COMP: variants seen among roughly 807,000 people sequenced by gnomAD.
The protein encoded by COMP is cartilage oligomeric matrix protein.
In COMP, 79 loss-of-function variants were observed where a neutral mutation model predicts 95.8. That is an observed-to-expected ratio of 0.82 (90% CI 0.69 to 0.99). COMP has a LOEUF of 0.99. Ranked by LOEUF, COMP falls within the 50% of genes least tolerant of loss-of-function variation. The pLI, the probability that COMP is intolerant of heterozygous loss-of-function variation, is 0.00. For missense variants in COMP, 906 were observed against 1,076.1 expected (o/e 0.84, Z 2.21); for synonymous variants, 438 against 433.9 (o/e 1.01, Z -0.12).
Position 18,789,059 on chromosome 19 carries a change from A to G in COMP, c.528+101T>C. 1 of 1,530,884 alleles carries G rather than the reference A, an allele frequency of 6.5e-7. No homozygotes were observed. The highest frequency in any genetic ancestry group is 1.9e-5 in the Admixed American group (1 of 52,744). 94.8% of individuals were successfully genotyped at this position (1,530,884 alleles called of 1,614,324 possible). A position where few individuals can be genotyped will look rare whatever the true frequency, so the allele number is the denominator to read the frequency against. On this transcript the variant is annotated intron_variant, in intron 5 of 18. Coordinates refer to ENST00000222271, the MANE Select transcript of COMP (RefSeq NM_000095.3). This position sits in a 1 kb window ranked among gnomAD's most constrained non-coding sequence, Gnocchi z 6.1. ...GGCGCAGCGGACCCCTCCTCTCCCC[A>G]CCCCTCCCGCTGGAAGGAGGCTGGA...
In COMP at chr19:18,789,272, C is replaced by T; in HGVS notation, c.416G>A (p.Arg139Gln). The change falls in exon 5 of 19, where the codon CGA becomes CAA. Residue 139 changes from arginine (R) to glutamine (Q), a missense_variant. By Grantham distance (43) the Arg-to-Gln change is conservative. Transcript: ENST00000222271. The surrounding 1 kb of genome is among the most constrained non-coding windows in gnomAD (Gnocchi z 6.1). ...NECNAHPCFP[R>Q]VRCINTSPGF... ...CGGGCTGGTGTTGATACAGCGGACT[C>T]GGGGGAAGCAGGGGTGGGCGTTGCA... 1 of 1,501,842 alleles carries T rather than the reference C, an allele frequency of 6.7e-7. No homozygotes were observed. The highest frequency in any genetic ancestry group is 8.9e-7 in the Non-Finnish European group (1 of 1,128,974). 93.0% of individuals were successfully genotyped at this position (1,501,842 alleles called of 1,614,324 possible).
intron 1 of COMP, 112 bp from the exon 2 acceptor site, chr19:18,791,047 T>C (rs2055209866): frequency 6.6e-7 from 1 of 1,510,816 alleles, no homozygotes; most frequent in Non-Finnish European, 8.9e-7. Context: ...TCCTCTAGTC[T>C]CGGTCCCGCC....
At chr19:18,787,334 C>T (rs2055174425) in intron 10 of COMP, among the ~76,000 whole-genome samples, 157 bp downstream of exon 10, 1 of 152,256 alleles carries the variant, frequency 6.6e-6, no homozygotes, top group South Asian at 2.1e-4. Flanking sequence ...GCCCAGCTTG[C>T]ATTTTTCTGG....
chr19:18,785,851 C>G lies in COMP; in HGVS notation c.1490G>C (p.Arg497Thr). 2 of 1,611,290 alleles carry G rather than the reference C, an allele frequency of 1.2e-6. No individual in the cohort carries two copies. Among genetic ancestry groups the G allele is most frequent in the Non-Finnish European group, 1.7e-6 (2 of 1,180,014 alleles). The change falls in exon 14 of 19, where the codon AGG becomes ACG. Residue 497 changes from arginine (R) to threonine (T), a missense_variant and splice_region_variant. By Grantham distance (71) the Arg-to-Thr change is moderately conservative (BLOSUM62 -1). Coordinates refer to ENST00000222271, the MANE Select transcript of COMP (RefSeq NM_000095.3). Reference sequence around the variant, plus strand: ...CTGGCACACGTCGCCCACGCCGTCCCCTGAGAGGTGGGAGACCCCTCGGTG... The same window carrying G: ...CTGGCACACGTCGCCCACGCCGTCCGCTGAGAGGTGGGAGACCCCTCGGTG... ...VPNPGQEDAD[R>T]DGVGDVCQDD...
At chr19:18,787,853 T>C (rs1255361670) in intron 9 of COMP, among the ~76,000 whole-genome samples, 2 of 64,934 alleles carry the variant, frequency 3.1e-5, no homozygotes, top group Admixed American at 3.5e-4. Flanking sequence ...TTCTTTTTTC[T>C]TTTTCTTTTT....
intron 3 of COMP, 40 bp from the exon 4 acceptor site, chr19:18,790,154 T>C (rs1376930167): frequency 6.9e-7 from 1 of 1,456,518 alleles, no homozygotes; most frequent in African/African-American, 1.4e-5. Flanking sequence ...GGCTGATCGG[T>C]GGCTCGCCCG....
rs767476445 is a variant in COMP, at chr19:18,789,289, G to T, written c.399C>A (p.Ala133=). Residue 133 remains alanine, a synonymous_variant, in exon 5 of 19, where the codon GCC becomes GCA. Coordinates refer to ENST00000222271, the MANE Select transcript of COMP (RefSeq NM_000095.3). The surrounding 1 kb of genome is among the most constrained non-coding windows in gnomAD (Gnocchi z 6.1). ...AGCGGACTCGGGGGAAGCAGGGGTG[G>T]GCGTTGCACTGGGGGAGGAGGGGCC... ...SHCTDVNECN[A]HPCFPRVRCI... is the part of the protein sequence containing the mutation. 2.7e-5 allele frequency: 41 copies of T among 1,492,892 alleles called. No homozygotes were observed. Among genetic ancestry groups the T allele is most frequent in the Admixed American group, 2.3e-4 (9 of 39,796 alleles). 92.5% of individuals were successfully genotyped at this position (1,492,892 alleles called of 1,614,324 possible).
chr19:18,787,872 TTCTTTCTTTCTTTCTTTCTTTCTTTC>T (rs1296868603), intron 9 of COMP, among the ~76,000 whole-genome samples: 2 of 74,196 alleles, frequency 2.7e-5, no homozygotes, highest in East Asian at 2.2e-4. Context: ...TTCTCTTTCT[TTCTTTCTTTCTTTCTTTCTTTCTTTC>T]TTTCTTTCTT....
chr19:18,787,774 G>C (rs575122863), intron 9 of COMP, 124 bp from the exon 10 acceptor site: 1 of 1,292,264 alleles, frequency 7.7e-7, no homozygotes, highest in East Asian at 2.4e-5. Context: ...CCTAGACCAC[G>C]GAGGCCACGC....
At chr19:18,787,324 G>A (rs2055174369) in intron 10 of COMP, among the ~76,000 whole-genome samples, 167 bp downstream of exon 10, 1 of 152,216 alleles carries the variant, frequency 6.6e-6, no homozygotes, top group Admixed American at 6.5e-5. Flanking sequence ...TGGCCTTGCA[G>A]CCCAGCTTGC....
At position 18,786,532 on chromosome 19, in the gene COMP, C is replaced by T. The variant is rs375908187; in HGVS notation, c.1254G>A (p.Gln418=). 8.7e-6 allele frequency: 14 copies of T among 1,613,566 alleles called. No homozygotes were observed. Among genetic ancestry groups the T allele is most frequent in the Non-Finnish European group, 1.2e-5 (14 of 1,179,494 alleles). The stretch of plus-strand genomic sequence containing the variant: ...CAGCTGGAGTCTGGCCTGCCCTCAC[C>T]TGATCCGGGTTGCTCTTCTGGGGAC... ...DNCPQKSNPD[Q]ADVDHDFVGD... The change falls in exon 11 of 19, where the codon CAG becomes CAA. Residue 418 remains glutamine, a splice_region_variant and synonymous_variant. Transcript: ENST00000222271.
intron 10 of COMP, 137 bp downstream of exon 10, chr19:18,787,354 A>G (rs866318237): frequency 1.0e-5 from 13 of 1,257,210 alleles, no homozygotes; most frequent in Middle Eastern, 2.6e-4. Flanking sequence ...GCGCCCCACC[A>G]TGGTCTTTGG....
At position 18,784,336 on chromosome 19, in the gene COMP, C is replaced by G; in HGVS notation, c.1942G>C (p.Glu648Gln). 6.2e-7 allele frequency: 1 copy of G among 1,614,048 alleles called. No homozygotes were observed. Among genetic ancestry groups the G allele is most frequent in the South Asian group, 1.1e-5 (1 of 91,088 alleles). Reference protein sequence around the residue: ...KAVKSSTGPGEQLRNALWHTG... With the variant: ...KAVKSSTGPGQQLRNALWHTG... ...TGCCACAGAGCGTTCCGCAGCTGTT[C>G]CCCGGGGCCTGTGGAAGACTTCACA... Residue 648 changes from glutamate to glutamine, a missense_variant, in exon 17 of 19, where the codon GAA becomes CAA. Physicochemically the swap from Glu to Gln is conservative, Grantham distance 29. Transcript: ENST00000222271. This position sits in a 1 kb window ranked among gnomAD's most constrained non-coding sequence, Gnocchi z 4.9.
rs373687591 is a variant in COMP, at chr19:18,785,970, G to T, written c.1484C>A (p.Ala495Glu). ...RLVPNPGQED[A>E]DRDGVGDVCQ... ...AGGCCCCGCCCCCGCCGTACTGTCCGCGTCCTCCTGGCCGGGGTTAGGCAC... is the reference window on the plus strand; with the variant it reads ...AGGCCCCGCCCCCGCCGTACTGTCCTCGTCCTCCTGGCCGGGGTTAGGCAC... The change falls in exon 13 of 19, where the codon GCG becomes GAG. Residue 495 changes from alanine to glutamate, a missense_variant. Transcript: ENST00000222271. 3 of 1,601,946 alleles carry T rather than the reference G, an allele frequency of 1.9e-6. No homozygotes were observed. The African/African-American group carries it at 4.0e-5, about 22-fold the overall frequency.
Position 18,787,546 on chromosome 19 carries a change from C to T in COMP, c.1080G>A (p.Lys360=), listed in dbSNP as rs2055176161. Residue 360 remains lysine (K), a synonymous_variant, in exon 10 of 19, where the codon AAG becomes AAA. Transcript: ENST00000222271. Reference sequence around the variant, plus strand: ...CGCCCCGGCCGTCCTGGTCTGTGTCCTTTTGGTCGTCGTTCTTCTGGGACC... The same window carrying T: ...CGCCCCGGCCGTCCTGGTCTGTGTCTTTTTGGTCGTCGTTCTTCTGGGACC... ...NCRSQKNDDQ[K]DTDQDGRGDA... 6.2e-7 allele frequency: 1 copy of T among 1,613,946 alleles called. No homozygotes were observed. Among genetic ancestry groups the T allele is most frequent in the African/African-American group, 1.3e-5 (1 of 74,932 alleles).
chr19:18,783,695 C>T (rs538893458), intron 17 of COMP, among the ~76,000 whole-genome samples: 7 of 151,640 alleles, frequency 4.6e-5, no homozygotes, highest in Non-Finnish European at 1.0e-4. Flanking sequence ...CTGCAACTTC[C>T]GCTTCCCGAG....
intron 13 of COMP, 42 bp downstream of exon 13, chr19:18,785,923 C>T (rs1222320524): frequency 3.1e-6 from 5 of 1,588,516 alleles, no homozygotes; most frequent in South Asian, 1.1e-5. Flanking sequence ...CCAGGAGCCC[C>T]CACTGGCCCC....
At position 18,790,575 on chromosome 19, in the gene COMP, C is replaced by T; in HGVS notation, c.204G>A (p.Glu68=). The T allele has an allele frequency of 6.2e-7, 1 of 1,613,982 alleles. No homozygotes were observed. Among genetic ancestry groups the T allele is most frequent in the Admixed American group, 1.7e-5 (1 of 60,022 alleles). The change falls in exon 3 of 19, where the codon GAG becomes GAA. Residue 68 remains glutamate (E), a synonymous_variant. Coordinates refer to ENST00000222271, the MANE Select transcript of COMP (RefSeq NM_000095.3). ...CGCCGCGCTCACCGCACGCGTCACA[C>T]TCCATCACCGTGTTTTTCAGGAACG... ...EITFLKNTVM[E]CDACGMQQSV...
At position 18,787,536 on chromosome 19, in the gene COMP, G is replaced by A; in HGVS notation, c.1090C>T (p.Gln364Ter). 2 of 1,613,386 alleles carry A rather than the reference G, an allele frequency of 1.2e-6. No individual in the cohort carries two copies. Among genetic ancestry groups the A allele is most frequent in the Non-Finnish European group, 1.7e-6 (2 of 1,179,914 alleles). Residue 364 changes from glutamine (Q) to a stop codon, truncating the protein, a stop_gained, in exon 10 of 19, where the codon CAG becomes TAG. Coordinates refer to ENST00000222271, the MANE Select transcript of COMP (RefSeq NM_000095.3). LOFTEE classifies it high-confidence loss of function. Reference protein sequence around the residue: ...QKNDDQKDTDQDGRGDACDDD... With the variant: ...QKNDDQKDTD ...TCGCACGCATCGCCCCGGCCGTCCT[G>A]GTCTGTGTCCTTTTGGTCGTCGTTC...
Sources: gnomAD v4.1 joint callset for allele counts (sites outside exome capture counted in the v4.1 genomes callset) on GRCh38, gnomAD v4.1.1 for gene constraint, Gnocchi (gnomAD v3.1) non-coding constraint, MANE v1.5 for transcripts, NCBI Gene and HGNC (gene_info 2026-07-23, HGNC 2026-07-21) for gene names.